NFIA: variants seen among roughly 807,000 people sequenced by gnomAD.
The protein encoded by NFIA is nuclear factor I A.
Under a neutral mutation model 62.8 loss-of-function variants are expected in NFIA, and 8 were observed. That is an observed-to-expected ratio of 0.13 (90% CI 0.07 to 0.23). The LOEUF (loss-of-function observed/expected upper bound fraction) is 0.23, where lower values mean the gene tolerates loss of function less well. Ranked by LOEUF, NFIA falls within the 10% of genes least tolerant of loss-of-function variation. The pLI is 1.00. For synonymous variants in NFIA, 235 were observed against 238.1 expected, an observed-to-expected ratio of 0.99 and a Z score of 0.12; for missense variants, 410 against 642.1, an observed-to-expected ratio of 0.64 and a Z score of 3.91.
At chr1:61,215,572 T>G (rs1386620206) in intron 2 of NFIA, among the ~76,000 whole-genome samples, 1 of 152,204 alleles carries the variant, frequency 6.6e-6, no homozygotes, top group Non-Finnish European at 1.5e-5. Context: ...TGATGACCAC[T>G]GAATAGAAAA....
rs1451133679 is a variant in NFIA, at chr1:61,230,410, C to G, written c.560-47110C>G. On this transcript the variant is annotated intron_variant, in intron 2 of 10. Transcript: ENST00000403491. ...CTTAAATATTTCTGTCAAATCATAA[C>G]CTAGAAGTTATCTCTTACTCTTCTT... 2.0e-5 allele frequency among the ~76,000 whole-genome samples: 3 copies of G among 152,130 alleles called. No homozygotes were observed. The East Asian group carries it at 5.8e-4, about 29-fold the overall frequency.
At chr1:61,428,789 A>G (rs551337141) in intron 10 of NFIA, among the ~76,000 whole-genome samples, 1 of 152,336 alleles carries the variant, frequency 6.6e-6, no homozygotes, top group African/African-American at 2.4e-5. Flanking sequence ...CATGGTCGGC[A>G]GATTTCCTAG....
chr1:61,420,220 C>T (rs1391664133), intron 9 of NFIA, among the ~76,000 whole-genome samples: 1 of 152,156 alleles, frequency 6.6e-6, no homozygotes, highest in African/African-American at 2.4e-5. Flanking sequence ...AGAAACACTC[C>T]AATACTTTCT....
intron 7 of NFIA, among the ~76,000 whole-genome samples, chr1:61,397,190 A>G (rs910292287): frequency 1.3e-5 from 2 of 152,128 alleles, no homozygotes; most frequent in African/African-American, 4.8e-5. Flanking sequence ...AGGAATTCAC[A>G]GTATGTTTGG....
intron 2 of NFIA, among the ~76,000 whole-genome samples, chr1:61,113,403 G>C (rs1353459018): frequency 6.6e-6 from 1 of 152,012 alleles, no homozygotes; most frequent in Non-Finnish European, 1.5e-5. Flanking sequence ...GACCAGCCTG[G>C]CCAACATGGC....
chr1:61,266,930 G>A (rs2100253656), intron 2 of NFIA, among the ~76,000 whole-genome samples: 1 of 152,280 alleles, frequency 6.6e-6, no homozygotes, highest in East Asian at 1.9e-4. Flanking sequence ...ATGCCATTCA[G>A]TCCTGGTACT....
chr1:61,280,501 A>T (rs2100283330), intron 3 of NFIA, among the ~76,000 whole-genome samples: 1 of 152,312 alleles, frequency 6.6e-6, no homozygotes, highest in South Asian at 2.1e-4. Context: ...TATTCTTTTT[A>T]TCCTAGCTCT....
chr1:61,113,246 G>A (rs899451821), intron 2 of NFIA, among the ~76,000 whole-genome samples: 1 of 151,726 alleles, frequency 6.6e-6, no homozygotes, highest in Non-Finnish European at 1.5e-5. Flanking sequence ...CAGTGTAGAC[G>A]TGCTTTATGA....
chr1:61,259,760 T>A (rs1001963104), intron 2 of NFIA, among the ~76,000 whole-genome samples: 1 of 152,128 alleles, frequency 6.6e-6, no homozygotes, highest in Non-Finnish European at 1.5e-5. Flanking sequence ...AAAGCCAATT[T>A]TTGGGACAGT....
At chr1:61,295,282 TGA>T (rs1659131711) in intron 3 of NFIA, among the ~76,000 whole-genome samples, 1 of 152,150 alleles carries the variant, frequency 6.6e-6, no homozygotes, top group South Asian at 2.1e-4. Context: ...ATCTTTGTGC[TGA>T]GAGAGATTCA....
At chr1:61,166,371 T>G (rs555721367) in intron 2 of NFIA, among the ~76,000 whole-genome samples, 5 of 152,300 alleles carry the variant, frequency 3.3e-5, no homozygotes, top group African/African-American at 1.2e-4. Context: ...TATGTATTCA[T>G]TACATTTTGG....
At chr1:61,395,244 A>T (rs1665204002) in intron 7 of NFIA, among the ~76,000 whole-genome samples, 2 of 150,466 alleles carry the variant, frequency 1.3e-5, no homozygotes, top group South Asian at 2.1e-4. Flanking sequence ...TATGTTTGTT[A>T]TGAGATTTGC....
intron 3 of NFIA, among the ~76,000 whole-genome samples, 175 bp from the exon 4 acceptor site, chr1:61,332,337 C>T (rs1260713842): frequency 6.6e-6 from 1 of 152,010 alleles, no homozygotes; most frequent in Non-Finnish European, 1.5e-5. Flanking sequence ...AAATTCAAAC[C>T]AAAAATCTAT....
intron 2 of NFIA, among the ~76,000 whole-genome samples, chr1:61,186,962 C>T (rs78271445): frequency 6.6e-6 from 1 of 152,168 alleles, no homozygotes; most frequent in Middle Eastern, 3.2e-3. Flanking sequence ...TGCTTAGTCA[C>T]TTTGGCATCC....
At chr1:61,307,827 C>A (rs1318319975) in intron 3 of NFIA, among the ~76,000 whole-genome samples, 5 of 152,154 alleles carry the variant, frequency 3.3e-5, no homozygotes, top group Non-Finnish European at 5.9e-5. Context: ...ATAACTGATG[C>A]ATCTGAAGTA....
intron 7 of NFIA, among the ~76,000 whole-genome samples, chr1:61,403,188 G>A (rs543146703): frequency 6.6e-6 from 1 of 152,352 alleles, no homozygotes; most frequent in African/African-American, 2.4e-5. Flanking sequence ...AGAAGCAAGA[G>A]CTGCTGCTAT....
intron 3 of NFIA, among the ~76,000 whole-genome samples, chr1:61,329,451 C>T (rs1252844806): frequency 5.7e-5 from 8 of 140,948 alleles, no homozygotes; most frequent in East Asian, 2.2e-4. Flanking sequence ...GGCACGATCT[C>T]GGCTCACTGC....
intron 2 of NFIA, among the ~76,000 whole-genome samples, chr1:61,102,290 A>G (rs990837110): frequency 6.6e-6 from 1 of 152,208 alleles, no homozygotes; most frequent in Non-Finnish European, 1.5e-5. Flanking sequence ...TTCATGAGAT[A>G]TTAGCAGTTC....
intron 3 of NFIA, among the ~76,000 whole-genome samples, chr1:61,328,354 A>T (rs907338125): frequency 2.0e-5 from 3 of 151,850 alleles, no homozygotes; most frequent in Admixed American, 6.6e-5. Flanking sequence ...CAGCTCTTAA[A>T]CAAGACCTGC....
Sources: allele counts gnomAD v4.1 joint callset (sites outside exome capture counted in the v4.1 genomes callset), GRCh38; gene constraint gnomAD v4.1.1; transcripts MANE v1.5; gene names NCBI Gene and HGNC (gene_info 2026-07-23, HGNC 2026-07-21).